The following XPO6 variants were observed in gnomAD, a reference collection of about 807,000 sequenced individuals.
The protein encoded by XPO6 is exportin 6.
Under a neutral mutation model 130.0 loss-of-function variants are expected in XPO6, and 3 were observed. The ratio of observed to expected loss-of-function variants is 0.02; its 90% CI spans 0.01 to 0.06. The LOEUF (loss-of-function observed/expected upper bound fraction) is 0.06. Among genes scored for constraint, XPO6 ranks in the 10% least tolerant of loss-of-function variants. The pLI is 1.00. For synonymous variants in XPO6, 524 were observed against 548.9 expected (o/e 0.95, Z 0.63); for missense variants, 970 against 1,393.0 (o/e 0.70, Z 4.83).
intron 20 of XPO6, 97 bp downstream of exon 20, chr16:28,105,946 A>T (rs758857346): frequency 2.6e-5 from 40 of 1,522,792 alleles, no homozygotes; most frequent in Non-Finnish European, 3.6e-5. Context: ...TAAACTAACA[A>T]ATGAACTTTA....
At chr16:28,201,183 G>A (rs574594061) in intron 1 of XPO6, among the ~76,000 whole-genome samples, 8 of 151,968 alleles carry the variant, frequency 5.3e-5, no homozygotes, top group Admixed American at 2.0e-4. Flanking sequence ...TCCACCCACC[G>A]GGGGAAAAAA....
chr16:28,151,196 A>AAAAG (rs1328029623), intron 8 of XPO6, among the ~76,000 whole-genome samples: 1 of 151,744 alleles, frequency 6.6e-6, no homozygotes, highest in African/African-American at 2.4e-5. Context: ...AAAAAAAAAA[A>AAAAG]AAGGCTACTT....
At chr16:28,175,790 A>T in intron 4 of XPO6, 108 bp downstream of exon 4, 2 of 863,138 alleles carry the variant, frequency 2.3e-6, no homozygotes, top group Non-Finnish European at 3.7e-6. Flanking sequence ...TAACCTCACT[A>T]CTGCAGTTCC....
intron 18 of XPO6, among the ~76,000 whole-genome samples, chr16:28,107,175 G>T (rs563279798): frequency 1.3e-5 from 2 of 152,338 alleles, no homozygotes; most frequent in East Asian, 3.9e-4. Flanking sequence ...TACATCCACA[G>T]AGCTAGAGAG....
rs77427164 is a variant in XPO6 at position 28,149,120 on chromosome 16, C to A, written c.1225-2917G>T. Among the ~76,000 whole-genome samples, 10 of 151,384 alleles carry A rather than the reference C, an allele frequency of 6.6e-5. 1 individual carries two copies. The East Asian group carries it at 9.7e-4, about 15-fold the overall frequency. On this transcript the variant is annotated intron_variant, in intron 8 of 23. Coordinates refer to ENST00000304658, the MANE Select transcript of XPO6 (RefSeq NM_015171.4). ...GGCTCTGTGGTCCACAGCCCTCCCC[C>A]CCAGGGTATACCATCTCAGGCACAG... is the stretch of plus-strand genomic sequence containing the variant.
At chr16:28,112,701 A>G (rs1019157764) in intron 16 of XPO6, among the ~76,000 whole-genome samples, 2 of 152,260 alleles carry the variant, frequency 1.3e-5, no homozygotes, top group Non-Finnish European at 2.9e-5. Context: ...CCACGCCTCA[A>G]TCAGCACACT....
At chr16:28,145,109 C>T (rs934881493) in intron 9 of XPO6, among the ~76,000 whole-genome samples, 1 of 152,216 alleles carries the variant, frequency 6.6e-6, no homozygotes, top group African/African-American at 2.4e-5. Flanking sequence ...AGTTTGTAAT[C>T]TCATAGCATA....
At chr16:28,125,484 AAAC>A (rs1225351548) in intron 13 of XPO6, among the ~76,000 whole-genome samples, 6 of 152,252 alleles carry the variant, frequency 3.9e-5, no homozygotes, top group African/African-American at 1.4e-4. Flanking sequence ...AACCTACAGG[AAAC>A]AACATCTACT....
intron 1 of XPO6, among the ~76,000 whole-genome samples, chr16:28,190,063 A>G (rs1301434670): frequency 6.6e-6 from 1 of 152,196 alleles, no homozygotes; most frequent in Non-Finnish European, 1.5e-5. Flanking sequence ...TGGAAGCAGC[A>G]TATTTTCTCC....
chr16:28,154,686 A>C (rs1244979670), intron 7 of XPO6: 1 of 152,248 alleles, frequency 6.6e-6, no homozygotes, highest in African/African-American at 2.4e-5. Context: ...TAACAACATC[A>C]GTACATAGAC....
At position 28,125,759 on chromosome 16, in the gene XPO6, G is replaced by A. The variant is rs748385668; in HGVS notation, c.1696C>T (p.Arg566Cys). ...TCCCCGATAAAGTACTCGGCCAGGC[G>A]GCCCACGGCCTGCAGCAGGGAGCTC... ...DLSSLLQAVG[R>C]LAEYFIGDVF... is the part of the protein sequence containing the mutation. The change falls in exon 13 of 24, where the codon CGC (arginine) becomes TGC (cysteine). Residue 566 changes from arginine (R) to cysteine (C), a missense_variant. By Grantham distance (180) the Arg-to-Cys change is radical (BLOSUM62 -3). Transcript: ENST00000304658. 19 of 1,614,076 alleles carry A rather than the reference G, an allele frequency of 1.2e-5. No individual in the cohort carries two copies. The highest frequency in any genetic ancestry group is 1.5e-5 in the Non-Finnish European group (18 of 1,180,052).
intron 6 of XPO6, among the ~76,000 whole-genome samples, chr16:28,161,872 T>G (rs1231359707): frequency 6.6e-6 from 1 of 152,196 alleles, no homozygotes; most frequent in East Asian, 1.9e-4. Context: ...ACTGGAAAGA[T>G]TATGCAACCA....
At chr16:28,163,598 G>A (rs953227406) in intron 6 of XPO6, among the ~76,000 whole-genome samples, 7 of 151,986 alleles carry the variant, frequency 4.6e-5, no homozygotes, top group Non-Finnish European at 5.9e-5. Context: ...CTCAGCAGGC[G>A]GGGGGGCAAT....
At chr16:28,171,492 G>C (rs1237419227) in intron 4 of XPO6, among the ~76,000 whole-genome samples, 1 of 150,872 alleles carries the variant, frequency 6.6e-6, no homozygotes, top group Non-Finnish European at 1.5e-5. Flanking sequence ...AAGAAATACA[G>C]GGTACATTCC....
intron 8 of XPO6, among the ~76,000 whole-genome samples, chr16:28,148,996 C>T (rs1004709078): frequency 1.3e-5 from 2 of 150,242 alleles, no homozygotes; most frequent in African/African-American, 4.9e-5. Flanking sequence ...AAGTCAAGAT[C>T]GCACCATCGC....
intron 6 of XPO6, among the ~76,000 whole-genome samples, chr16:28,157,894 T>C (rs113360323): frequency 2.6e-4 from 40 of 152,266 alleles, no homozygotes; most frequent in African/African-American, 8.9e-4. Flanking sequence ...CTGACCATTC[T>C]CCTGGTATGC....
Position 28,156,536 on chromosome 16 carries a change from A to C in XPO6, c.644-9T>G. ...GTTACTCAGTAAGTCACCTGAAAATAAGAAAGGCTTTTAAGCTATCCAGCA... is the reference window on the plus strand; with the variant it reads ...GTTACTCAGTAAGTCACCTGAAAATCAGAAAGGCTTTTAAGCTATCCAGCA... On this transcript the variant is annotated splice_polypyrimidine_tract_variant and intron_variant, in intron 6 of 23. Coordinates refer to ENST00000304658, the MANE Select transcript of XPO6 (RefSeq NM_015171.4). The C allele has an allele frequency of 2.0e-6, 3 of 1,529,278 alleles. No individual in the cohort carries two copies. The highest frequency in any genetic ancestry group is 2.6e-6 in the Non-Finnish European group (3 of 1,138,732). 94.7% of individuals were successfully genotyped at this position (1,529,278 alleles called of 1,614,324 possible).
intron 6 of XPO6, among the ~76,000 whole-genome samples, chr16:28,164,305 G>A (rs572408044): frequency 1.4e-4 from 22 of 152,318 alleles, no homozygotes; most frequent in African/African-American, 5.3e-4. Flanking sequence ...CTTTCTGGAA[G>A]TTTTACTGCT....
chr16:28,166,693 CA>C (rs2043362106), intron 5 of XPO6, 108 bp from the exon 6 acceptor site: 1 of 1,513,250 alleles, frequency 6.6e-7, no homozygotes, highest in African/African-American at 1.4e-5. Context: ...AGTACTTGAA[CA>C]TCCCTTTCTT....
Sources: gnomAD v4.1 joint callset for allele counts (sites outside exome capture counted in the v4.1 genomes callset) on GRCh38, gnomAD v4.1.1 for gene constraint, MANE v1.5 for transcripts, NCBI Gene and HGNC (gene_info 2026-07-23, HGNC 2026-07-21) for gene names.